CROT: variants seen among roughly 807,000 people sequenced by gnomAD.
The protein encoded by CROT is peroxisomal carnitine O-octanoyltransferase.
A neutral mutation model predicts 89.2 loss-of-function variants in CROT; 84 were observed. The ratio of observed to expected loss-of-function variants is 0.94; its 90% CI spans 0.79 to 1.13. The LOEUF (loss-of-function observed/expected upper bound fraction) is 1.13. Among genes scored for constraint, CROT ranks in the 50% most tolerant of loss-of-function variants. The pLI, the probability that CROT is intolerant of heterozygous loss-of-function variation, is 0.00. For missense variants in CROT, 711 were observed against 727.8 expected, an observed-to-expected ratio of 0.98 and a Z score of 0.27; for synonymous variants, 212 against 239.5, an observed-to-expected ratio of 0.89 and a Z score of 1.06.
At chr7:87,378,312 C>T (rs951639750) in intron 10 of CROT, among the ~76,000 whole-genome samples, 31 of 138,128 alleles carry the variant, frequency 2.2e-4, no homozygotes, top group African/African-American at 8.2e-4. Context: ...GGCCAGTGCA[C>T]TTCAGCCTGG....
intron 13 of CROT, among the ~76,000 whole-genome samples, chr7:87,388,101 A>G (rs1015391541): frequency 2.0e-5 from 3 of 152,136 alleles, no homozygotes; most frequent in African/African-American, 7.2e-5. Flanking sequence ...CTGCACAGAG[A>G]AACAGGCCTG....
Position 87,398,810 on chromosome 7 carries a change from T to C in CROT, c.*166T>C, listed in dbSNP as rs1317554915. 4.6e-6 allele frequency: 3 copies of C among 651,784 alleles called. No homozygotes were observed. The highest frequency in any genetic ancestry group is 3.7e-5 in the African/African-American group (2 of 54,578). The allele number at this position is 651,784 out of a possible 1,614,324, so 40.4% of individuals were successfully genotyped here. ...TTAGTAGAATCATGCTCTCTAAATT[T>C]ATTCTGCCATAGAAGGTAGAAATAT... On this transcript the variant is annotated 3_prime_UTR_variant, in exon 18 of 18. Coordinates refer to ENST00000331536, the MANE Select transcript of CROT (RefSeq NM_021151.4).
intron 3 of CROT, among the ~76,000 whole-genome samples, chr7:87,355,884 G>A (rs1806051650): frequency 6.6e-6 from 1 of 152,162 alleles, no homozygotes; most frequent in African/African-American, 2.4e-5. Context: ...ACAACAAAGA[G>A]CACTCACCTA....
chr7:87,373,454 G>A (rs1250392862), intron 7 of CROT, among the ~76,000 whole-genome samples: 1 of 151,214 alleles, frequency 6.6e-6, no homozygotes, highest in African/African-American at 2.4e-5. Flanking sequence ...TTTTTTTGTT[G>A]TTACATGTGC....
Position 87,399,186 on chromosome 7 carries a change from T to A in CROT, c.*542T>A, listed in dbSNP as rs1807665667. On this transcript the variant is annotated 3_prime_UTR_variant, in exon 18 of 18. Coordinates refer to ENST00000331536, the MANE Select transcript of CROT (RefSeq NM_021151.4). Reference sequence around the variant, plus strand: ...CAATCTAATGGTGATCTAAAATAACTTTTTTGGGCTGGGTGCAGTGGCTCA... The same window carrying A: ...CAATCTAATGGTGATCTAAAATAACATTTTTGGGCTGGGTGCAGTGGCTCA... 1 of 153,244 alleles carries A rather than the reference T, an allele frequency of 6.5e-6. No homozygotes were observed. Among genetic ancestry groups the A allele is most frequent in the African/African-American group, 2.4e-5 (1 of 41,452 alleles). The allele number at this position is 153,244 out of a possible 1,614,324, so 9.5% of individuals were successfully genotyped here. A position where few individuals can be genotyped will look rare whatever the true frequency, so the allele number is the denominator to read the frequency against.
intron 13 of CROT, among the ~76,000 whole-genome samples, chr7:87,387,809 G>A (rs529903649): frequency 1.3e-5 from 2 of 152,084 alleles, no homozygotes; most frequent in Non-Finnish European, 2.9e-5. Flanking sequence ...AAAATTAGCT[G>A]GGTATTGTGG....
chr7:87,345,857 G>C, intron 1 of CROT, 90 bp downstream of exon 1: 1 of 160,188 alleles, frequency 6.2e-6, no homozygotes, highest in Non-Finnish European at 1.3e-5. Flanking sequence ...AAGGTGCCTG[G>C]ATTTGGTGGG....
chr7:87,362,962 T>G (rs141217703), intron 6 of CROT, among the ~76,000 whole-genome samples: 1 of 152,262 alleles, frequency 6.6e-6, no homozygotes, highest in Non-Finnish European at 1.5e-5. Flanking sequence ...GTGAAACAAT[T>G]AAAAGATTAG....
At chr7:87,351,601 T>C (rs1805872173) in intron 3 of CROT, among the ~76,000 whole-genome samples, 1 of 152,214 alleles carries the variant, frequency 6.6e-6, no homozygotes, top group Non-Finnish European at 1.5e-5. Flanking sequence ...GATGGATTCT[T>C]TTTTTGAAGA....
chr7:87,375,202 A>G (rs768667667), intron 7 of CROT: 3 of 157,144 alleles, frequency 1.9e-5, no homozygotes, highest in South Asian at 1.9e-4. Flanking sequence ...TTGAGTATAC[A>G]GTAAGTCCTC....
chr7:87,351,815 C>T (rs1246999833), intron 3 of CROT, among the ~76,000 whole-genome samples: 1 of 152,186 alleles, frequency 6.6e-6, no homozygotes, highest in Non-Finnish European at 1.5e-5. Context: ...GGAGGTCCTT[C>T]TTTCCAAGTC....
At position 87,392,805 on chromosome 7, in the gene CROT, A is replaced by T. The variant is rs1369590848; in HGVS notation, c.1580A>T (p.Asp527Val). The change falls in exon 16 of 18, where the codon GAC (aspartate) becomes GTC (valine). Residue 527 changes from aspartate to valine, a missense_variant. Transcript: ENST00000331536. Reference sequence around the variant, plus strand: ...CTTCCTGTTCCAGAACTCTTTACGGACCCACTTTTTTCCAAAAGGTAATAT... The same window carrying T: ...CTTCCTGTTCCAGAACTCTTTACGGTCCCACTTTTTTCCAAAAGGTAATAT... The part of the protein sequence containing the change: ...EGLPVPELFT[D>V]PLFSKSGGGG... The T allele has an allele frequency of 6.2e-7, 1 of 1,613,624 alleles. No individual in the cohort carries two copies. Among genetic ancestry groups the T allele is most frequent in the South Asian group, 1.1e-5 (1 of 91,048 alleles).
intron 7 of CROT, 161 bp from the exon 8 acceptor site, chr7:87,375,470 TA>T (rs919908296): frequency 1.8e-4 from 100 of 562,178 alleles, no homozygotes; most frequent in African/African-American, 2.3e-4. Flanking sequence ...CACAATCACT[TA>T]AAAAAATATG....
chr7:87,398,338 A>C (rs886601844), intron 17 of CROT, 186 bp from the exon 18 acceptor site: 2 of 722,060 alleles, frequency 2.8e-6, no homozygotes, highest in East Asian at 2.8e-5. Context: ...CTAATGAATG[A>C]GGTGTTTCTT....
chr7:87,389,900 T>A (rs1807306848), intron 13 of CROT, among the ~76,000 whole-genome samples: 1 of 147,364 alleles, frequency 6.8e-6, no homozygotes, highest in African/African-American at 2.5e-5. Flanking sequence ...TCACGCGGTA[T>A]TTTTTTTTTA....
In CROT at chr7:87,391,720, T is replaced by C. The variant is rs754066990; in HGVS notation, c.1425+8T>C. 5.6e-6 allele frequency: 9 copies of C among 1,599,506 alleles called. No individual in the cohort carries two copies. The East Asian group carries it at 1.8e-4, about 32-fold the overall frequency. ...CAGGATCCTTCTGTCAATGTGAGTA[T>C]TGGAAAGGAAAAAAACTCACAAGAT... On this transcript the variant is annotated splice_region_variant and intron_variant, in intron 14 of 17. Transcript: ENST00000331536.
At chr7:87,378,356 A>AAT (rs1239905217) in intron 10 of CROT, among the ~76,000 whole-genome samples, 1 of 151,700 alleles carries the variant, frequency 6.6e-6, no homozygotes, top group East Asian at 1.9e-4. Flanking sequence ...CAAAAAAAAA[A>AAT]AAAAAAGGGT....
chr7:87,351,295 C>A (rs1450135691), intron 3 of CROT, among the ~76,000 whole-genome samples: 1 of 113,260 alleles, frequency 8.8e-6, no homozygotes, highest in Non-Finnish European at 1.6e-5. Flanking sequence ...GACAACAGAG[C>A]GAGACTCCAT....
intron 3 of CROT, among the ~76,000 whole-genome samples, chr7:87,358,497 AAAAG>A (rs1404710039): frequency 1.9e-3 from 282 of 149,660 alleles, no homozygotes; most frequent in African/African-American, 6.6e-3. Flanking sequence ...AAAAAAAAAA[AAAAG>A]AAAAGAAATT....
Sources: gnomAD v4.1 joint callset for allele counts (sites outside exome capture counted in the v4.1 genomes callset) on GRCh38, gnomAD v4.1.1 for gene constraint, MANE v1.5 for transcripts, NCBI Gene and HGNC (gene_info 2026-07-23, HGNC 2026-07-21) for gene names.